The following CCDC85A variants were observed in gnomAD, a reference collection of about 807,000 sequenced individuals.
CCDC85A encodes the protein coiled-coil domain containing 85A, also known as coiled-coil domain-containing protein 85A.
Under a neutral mutation model 50.2 loss-of-function variants are expected in CCDC85A, and 38 were observed. That is an observed-to-expected ratio of 0.76 (90% CI 0.58 to 0.99). The LOEUF (loss-of-function observed/expected upper bound fraction) is 0.99. Ranked by LOEUF, CCDC85A falls within the 50% of genes least tolerant of loss-of-function variation. The pLI is 0.00. For synonymous variants in CCDC85A, 366 were observed against 301.4 expected (o/e 1.21, Z -2.22); for missense variants, 820 against 742.0 (o/e 1.11, Z -1.22).
chr2:56,331,929 G>T (rs1280552308), intron 2 of CCDC85A, among the ~76,000 whole-genome samples: 1 of 152,084 alleles, frequency 6.6e-6, no homozygotes, highest in African/African-American at 2.4e-5. Flanking sequence ...ATGGACTGCT[G>T]CCCCCTGCCC....
At chr2:56,249,769 G>A (rs1395104661) in intron 2 of CCDC85A, among the ~76,000 whole-genome samples, 2 of 152,182 alleles carry the variant, frequency 1.3e-5, no homozygotes, top group African/African-American at 4.8e-5. Context: ...TCTTGACCTT[G>A]AGTGGTCCTG....
intron 2 of CCDC85A, among the ~76,000 whole-genome samples, chr2:56,237,907 C>A (rs925681887): frequency 5.3e-5 from 8 of 152,064 alleles, no homozygotes; most frequent in Non-Finnish European, 1.0e-4. Context: ...CTGTGTTATG[C>A]ATGAAATGTT....
chr2:56,312,667 A>T (rs1352717045), intron 2 of CCDC85A, among the ~76,000 whole-genome samples: 2 of 152,184 alleles, frequency 1.3e-5, no homozygotes, highest in Admixed American at 6.6e-5. Flanking sequence ...CAGTCCCAGT[A>T]GGAAGACATG....
intron 3 of CCDC85A, among the ~76,000 whole-genome samples, chr2:56,347,608 G>A (rs1674691167): frequency 6.6e-6 from 1 of 151,916 alleles, no homozygotes; most frequent in Non-Finnish European, 1.5e-5. Flanking sequence ...CATAGTACTT[G>A]AAAACCATAA....
intron 2 of CCDC85A, among the ~76,000 whole-genome samples, chr2:56,242,896 GTATTAGACTTAAGTCTT>G (rs1669329788): frequency 6.6e-6 from 1 of 152,020 alleles, no homozygotes; most frequent in Non-Finnish European, 1.5e-5. Flanking sequence ...ATAGTTTGAG[GTATTAGACTTAAGTCTT>G]TATTTTGATT....
intron 3 of CCDC85A, among the ~76,000 whole-genome samples, chr2:56,350,818 A>G (rs1317717396): frequency 6.9e-6 from 1 of 145,696 alleles, no homozygotes; most frequent in Non-Finnish European, 1.5e-5. Context: ...CTATTGATAG[A>G]TATTTTTTTT....
chr2:56,369,682 A>G (rs917084829), intron 3 of CCDC85A, among the ~76,000 whole-genome samples: 4 of 152,120 alleles, frequency 2.6e-5, no homozygotes, highest in Non-Finnish European at 4.4e-5. Flanking sequence ...TCTGTTCATC[A>G]TTCAAGAGGA....
chr2:56,240,806 T>G (rs1322465188), intron 2 of CCDC85A, among the ~76,000 whole-genome samples: 1 of 152,058 alleles, frequency 6.6e-6, no homozygotes, highest in Non-Finnish European at 1.5e-5. Context: ...GTTCTTTCCA[T>G]TTTTTTTCTT....
intron 2 of CCDC85A, among the ~76,000 whole-genome samples, chr2:56,329,943 C>CTTTTTTTTTTTTTTTTTTTTTT (rs1336192523): frequency 4.4e-5 from 1 of 22,872 alleles, no homozygotes; most frequent in African/African-American, 1.4e-4. Context: ...TACAGATTTC[C>CTTTTTTTTTTTTTTTTTTTTTT]TGTTTTTTTT....
chr2:56,201,079 CACACACA>C (rs368437317), intron 2 of CCDC85A, among the ~76,000 whole-genome samples: 41,515 of 137,810 alleles, frequency 0.3, 6,309 homozygotes, highest in Middle Eastern at 0.41. Flanking sequence ...TCTCTCTCCA[CACACACA>C]CACACACACA....
At chr2:56,356,851 C>T (rs956798278) in intron 3 of CCDC85A, among the ~76,000 whole-genome samples, 8 of 150,828 alleles carry the variant, frequency 5.3e-5, no homozygotes, top group South Asian at 4.2e-4. Flanking sequence ...TTGTGGATCA[C>T]GAGGTCAGGA....
chr2:56,290,831 TTAG>T (rs1434013635), intron 2 of CCDC85A, among the ~76,000 whole-genome samples: 1 of 152,196 alleles, frequency 6.6e-6, no homozygotes, highest in Non-Finnish European at 1.5e-5. Context: ...TTAATTGGCA[TTAG>T]TAGAAAAATT....
At chr2:56,260,380 A>T (rs1192824772) in intron 2 of CCDC85A, among the ~76,000 whole-genome samples, 2 of 152,216 alleles carry the variant, frequency 1.3e-5, no homozygotes, top group African/African-American at 2.4e-5. Context: ...CTTTCCTTTG[A>T]TCAGTGTTCT....
chr2:56,314,313 G>T lies in CCDC85A; in HGVS notation c.1241-28566G>T, dbSNP rs190108652. ...CCTAGAGTAGAAAATTTTGACTTCT[G>T]ATCCCTGCTCTTCCACATACTAAGC... On this transcript the variant is annotated intron_variant, in intron 2 of 5. Transcript: ENST00000407595. Among the ~76,000 whole-genome samples the T allele has an allele frequency of 5.3e-5, 8 of 151,792 alleles. No individual in the cohort carries two copies. The East Asian group carries it at 1.4e-3, about 26-fold the overall frequency.
intron 2 of CCDC85A, among the ~76,000 whole-genome samples, chr2:56,329,451 A>T (rs1673656098): frequency 6.6e-6 from 1 of 152,242 alleles, no homozygotes; most frequent in African/African-American, 2.4e-5. Context: ...ATGTTAACAG[A>T]GTAATTATGA....
chr2:56,364,879 T>G (rs1675712570), intron 3 of CCDC85A, among the ~76,000 whole-genome samples: 1 of 152,228 alleles, frequency 6.6e-6, no homozygotes, highest in Non-Finnish European at 1.5e-5. Context: ...TTTGTTGATC[T>G]CCTAATTGGA....
chr2:56,307,668 G>A (rs1373297786), intron 2 of CCDC85A, among the ~76,000 whole-genome samples: 1 of 152,028 alleles, frequency 6.6e-6, no homozygotes, highest in African/African-American at 2.4e-5. Context: ...TATTTTACAG[G>A]TGAGGAAACT....
At position 56,192,588 on chromosome 2, in the gene CCDC85A, G is replaced by T; in HGVS notation, c.388G>T (p.Gly130Cys). Residue 130 changes from glycine to cysteine, a missense_variant, in exon 2 of 6, where the codon GGT becomes TGT. By Grantham distance (159) the Gly-to-Cys change is radical (BLOSUM62 -3). Transcript: ENST00000407595. This position sits in a 1 kb window ranked among gnomAD's most constrained non-coding sequence, Gnocchi z 4.7. Reference protein sequence around the residue: ...KRVSREWQRLGRYTAGVMHKE... With the variant: ...KRVSREWQRLCRYTAGVMHKE... ...GGTGTCTCGGGAGTGGCAGAGACTG[G>T]GTCGCTACACTGCCGGGGTGATGCA... 6.2e-7 allele frequency: 1 copy of T among 1,613,918 alleles called. No homozygotes were observed.
intron 2 of CCDC85A, among the ~76,000 whole-genome samples, chr2:56,240,538 C>T (rs745645993): frequency 2.0e-5 from 3 of 152,088 alleles, no homozygotes; most frequent in Non-Finnish European, 4.4e-5. Context: ...TTCAAAATGC[C>T]AAGAGCCTGG....
Sources: gnomAD v4.1 joint callset for allele counts (sites outside exome capture counted in the v4.1 genomes callset) on GRCh38, gnomAD v4.1.1 for gene constraint, Gnocchi (gnomAD v3.1) non-coding constraint, MANE v1.5 for transcripts, NCBI Gene and HGNC (gene_info 2026-07-23, HGNC 2026-07-21) for gene names.